ZNF254: variants seen among roughly 807,000 people sequenced by gnomAD.
The protein encoded by ZNF254 is zinc finger protein 254, also known as CTD-2017D11.1.
In ZNF254, 10 loss-of-function variants were observed where a neutral mutation model predicts 12.4. That is an observed-to-expected ratio of 0.80 (90% confidence interval 0.50 to 1.36). ZNF254 has a LOEUF of 1.36. Ranked by LOEUF, ZNF254 falls within the 40% of genes most tolerant of loss-of-function variation. The pLI is 0.00. For missense variants in ZNF254, 996 were observed against 763.9 expected (o/e 1.30, Z -3.58); for synonymous variants, 305 against 253.4 (o/e 1.20, Z -1.93).
At chr19:24,063,865 TGCCTGAA>T (rs1421631541) in intron 2 of ZNF254, 1 of 151,976 alleles carries the variant, frequency 6.6e-6, no homozygotes, top group Non-Finnish European at 1.5e-5. Context: ...GTGAGTCCTC[TGCCTGAA>T]GCCTGACCAC....
chr19:24,099,770 T>C (rs993269198), intron 1 of ZNF254, among the ~76,000 whole-genome samples: 2 of 152,216 alleles, frequency 1.3e-5, no homozygotes, highest in African/African-American at 2.4e-5. Flanking sequence ...CTTTCTGTCT[T>C]TTCAGTCTCT....
chr19:24,047,204 GTCTC>G (rs1331987793), intron 2 of ZNF254, among the ~76,000 whole-genome samples: 1 of 151,138 alleles, frequency 6.6e-6, no homozygotes, highest in African/African-American at 2.4e-5. Flanking sequence ...CTCCCTTTTT[GTCTC>G]TCTCTTTCTA....
rs573040237 is a variant in ZNF254 at position 24,128,187 on chromosome 19, T to C, written c.*207T>C. Reference sequence around the variant, plus strand: ...TTGTCACACTTGATTGTAGGTAAGATAATTCATACTGGAGAAAACTACCAG... The same window carrying C: ...TTGTCACACTTGATTGTAGGTAAGACAATTCATACTGGAGAAAACTACCAG... On this transcript the variant is annotated 3_prime_UTR_variant, in exon 4 of 4. Transcript: ENST00000357002. The C allele has an allele frequency of 1.6e-4, 82 of 520,068 alleles. No homozygotes were observed. The highest frequency in any genetic ancestry group is 5.4e-4 in the Middle Eastern group (1 of 1,844). 32.2% of individuals were successfully genotyped at this position (520,068 alleles called of 1,614,324 possible).
chr19:24,123,577 A>C (rs908177594), intron 3 of ZNF254, among the ~76,000 whole-genome samples: 2 of 151,862 alleles, frequency 1.3e-5, no homozygotes, highest in Non-Finnish European at 2.9e-5. Context: ...TATATTTGGA[A>C]CCCTAATGTG....
intron 2 of ZNF254, among the ~76,000 whole-genome samples, chr19:24,064,103 C>A (rs1971181387): frequency 6.6e-6 from 1 of 152,170 alleles, no homozygotes; most frequent in African/African-American, 2.4e-5. Flanking sequence ...GGGCCTCCCA[C>A]CTAGATGATG....
At chr19:24,105,904 A>G (rs1973310976) in intron 1 of ZNF254, 36 bp from the exon 2 acceptor site, 2 of 1,568,300 alleles carry the variant, frequency 1.3e-6, no homozygotes, top group Non-Finnish European at 1.7e-6. Flanking sequence ...GCCGATAGCC[A>G]CTTTGTAAAT....
In ZNF254 at chr19:24,113,687, C is replaced by T. The variant is rs556865345; in HGVS notation, c.253+7044C>T. ...ATAGTGTTGGATGTTCTGGCCAGGG[C>T]AATTAGGCAGGAGAAGGAAATAAAG... On this transcript the variant is annotated intron_variant, in intron 3 of 3. Transcript: ENST00000357002. Among the ~76,000 whole-genome samples, 348 of 152,154 alleles carry T rather than the reference C, an allele frequency of 2.3e-3. 2 individuals carry two copies. Among genetic ancestry groups the T allele is most frequent in the African/African-American group, 8.0e-3 (332 of 41,498 alleles).
intron 2 of ZNF254, among the ~76,000 whole-genome samples, chr19:24,073,297 A>G (rs1440314326): frequency 6.6e-6 from 1 of 152,208 alleles, no homozygotes; most frequent in Non-Finnish European, 1.5e-5. Flanking sequence ...TACAGTTAAC[A>G]TGGTGACTAA....
intron 2 of ZNF254, among the ~76,000 whole-genome samples, chr19:24,068,603 C>T (rs920580762): frequency 6.6e-6 from 1 of 152,078 alleles, no homozygotes; most frequent in Non-Finnish European, 1.5e-5. Flanking sequence ...ACCCAGTCTA[C>T]CTGCAGCCAT....
rs1159699748 is a variant in ZNF254 at position 24,127,367 on chromosome 19, A to C, written c.1367A>C (p.His456Pro). 1 of 1,613,686 alleles carries C rather than the reference A, an allele frequency of 6.2e-7. No homozygotes were observed. The change falls in exon 4 of 4, where the codon CAT (histidine) becomes CCT (proline). Residue 456 changes from histidine to proline, a missense_variant. Physicochemically the swap from His to Pro is moderately conservative, Grantham distance 77 (BLOSUM62 -2). Coordinates refer to ENST00000357002, the MANE Select transcript of ZNF254 (RefSeq NM_203282.4). ...SSTLTKHKRI[H>P]TREKPYKCEE... ...ACCCTTACTAAACATAAGAGAATTC[A>C]TACTAGAGAGAAACCCTACAAATGT...
intron 2 of ZNF254, among the ~76,000 whole-genome samples, chr19:24,074,295 G>A (rs1971583131): frequency 6.6e-6 from 1 of 152,154 alleles, no homozygotes; most frequent in African/African-American, 2.4e-5. Context: ...TCGAGCTGAA[G>A]TGACTCTTCT....
chr19:24,041,448 T>TGGCTCCGC (rs1228831933), intron 1 of ZNF254, among the ~76,000 whole-genome samples: 12 of 152,222 alleles, frequency 7.9e-5, no homozygotes, highest in African/African-American at 2.9e-4. Context: ...ATGGGGGACT[T>TGGCTCCGC]AGCACCCGGG....
chr19:24,091,866 G>A (rs934342278), intron 1 of ZNF254: 9 of 971,612 alleles, frequency 9.3e-6, no homozygotes, highest in African/African-American at 1.8e-5. Flanking sequence ...TCCTAGAAGT[G>A]TTCCTATGTG....
At chr19:24,107,012 T>C in intron 3 of ZNF254, 1 of 462,660 alleles carries the variant, frequency 2.2e-6, no homozygotes, top group South Asian at 4.7e-5. Flanking sequence ...TTGCATCATG[T>C]CTGAAATGTG....
chr19:24,106,603 C>A lies in ZNF254; in HGVS notation c.213C>A (p.Pro71=). The change falls in exon 3 of 4, where the codon CCC becomes CCA. Residue 71 remains proline, a synonymous_variant. Transcript: ENST00000357002. ...CCTGTCTGGAACAAGGGAAAGAGCC[C>A]TGGAATATGAAGCGACATGAGATGG... ...LITCLEQGKE[P]WNMKRHEMVD... The A allele has an allele frequency of 6.3e-7, 1 of 1,584,460 alleles. No individual in the cohort carries two copies. The highest frequency in any genetic ancestry group is 8.6e-7 in the Non-Finnish European group (1 of 1,163,424).
intron 2 of ZNF254, among the ~76,000 whole-genome samples, chr19:24,062,074 AAACTCT>A (rs1971091015): frequency 7.0e-6 from 1 of 142,784 alleles, no homozygotes; most frequent in African/African-American, 2.6e-5. Context: ...AACAAGAGTG[AAACTCT>A]GTCTCACAAA....
chr19:24,038,757 G>C (rs557440921), intron 1 of ZNF254, among the ~76,000 whole-genome samples: 143 of 152,240 alleles, frequency 9.4e-4, no homozygotes, highest in African/African-American at 3.3e-3. Context: ...TCGTATTTGG[G>C]ATCTGCAATC....
intron 3 of ZNF254, among the ~76,000 whole-genome samples, chr19:24,125,130 C>G (rs1034042758): frequency 1.1e-4 from 16 of 151,628 alleles, no homozygotes; most frequent in South Asian, 6.3e-4. Flanking sequence ...ATCTTTTTGT[C>G]TGTGACTTTT....
chr19:24,115,551 C>A (rs892116654), intron 3 of ZNF254, among the ~76,000 whole-genome samples: 1 of 151,734 alleles, frequency 6.6e-6, no homozygotes, highest in Non-Finnish European at 1.5e-5. Context: ...GGAGGGATAG[C>A]ATTGGGAGAT....
Sources: allele counts gnomAD v4.1 joint callset (sites outside exome capture counted in the v4.1 genomes callset), GRCh38; gene constraint gnomAD v4.1.1; transcripts MANE v1.5; gene names NCBI Gene and HGNC (gene_info 2026-07-23, HGNC 2026-07-21).